The following PRIM2 variants were observed in gnomAD, a reference collection of about 807,000 sequenced individuals.
PRIM2 encodes the protein DNA primase large subunit.
A neutral mutation model predicts 67.3 loss-of-function variants in PRIM2; 39 were observed. That is an observed-to-expected ratio of 0.58 (90% CI 0.45 to 0.76). PRIM2 has a LOEUF of 0.76. PRIM2 is among the 30% of genes least tolerant of loss of function. PRIM2 has a pLI of 0.00. For missense variants in PRIM2, 398 were observed against 598.7 expected, an observed-to-expected ratio of 0.66 and a Z score of 3.50; for synonymous variants, 143 against 198.7, an observed-to-expected ratio of 0.72 and a Z score of 2.36.
chr6:57,556,804 G>T (rs1407475752), intron 10 of PRIM2, among the ~76,000 whole-genome samples: 3 of 152,170 alleles, frequency 2.0e-5, no homozygotes, highest in Non-Finnish European at 4.4e-5. Context: ...AAGAGCTTCT[G>T]CACAGCAAAA....
intron 9 of PRIM2, among the ~76,000 whole-genome samples, chr6:57,536,743 A>G (rs1775010596): frequency 6.6e-6 from 1 of 152,252 alleles, no homozygotes; most frequent in Non-Finnish European, 1.5e-5. Context: ...AATACATATT[A>G]TATGATTCTA....
chr6:57,475,052 G>A (rs2127403346), intron 7 of PRIM2, among the ~76,000 whole-genome samples: 1 of 152,278 alleles, frequency 6.6e-6, no homozygotes, highest in African/African-American at 2.4e-5. Context: ...AGGAATGCAG[G>A]CATGCTTTGA....
In PRIM2 at chr6:57,330,525, T is replaced by G. The variant is rs528625272; in HGVS notation, c.459+4480T>G. Among the ~76,000 whole-genome samples, 3 of 152,116 alleles carry G rather than the reference T, an allele frequency of 2.0e-5. No homozygotes were observed. In the South Asian group the frequency reaches 6.2e-4, roughly 32 times the overall value. Reference sequence around the variant, plus strand: ...AATTTTTTGTATTGAACTTGTTTTTTAATTCTAACAGTTTTATAGTGGATT... The same window carrying G: ...AATTTTTTGTATTGAACTTGTTTTTGAATTCTAACAGTTTTATAGTGGATT... On this transcript the variant is annotated intron_variant, in intron 5 of 13. Coordinates refer to ENST00000615550, the MANE Select transcript of PRIM2 (RefSeq NM_000947.5).
chr6:57,395,138 T>A (rs1044646683), intron 7 of PRIM2, among the ~76,000 whole-genome samples: 1 of 152,070 alleles, frequency 6.6e-6, no homozygotes, highest in Non-Finnish European at 1.5e-5. Context: ...TTGGTTATGT[T>A]GTTTCCTGGT....
chr6:57,633,392 G>T (rs2127499742), intron 13 of PRIM2, among the ~76,000 whole-genome samples: 1 of 152,226 alleles, frequency 6.6e-6, no homozygotes, highest in South Asian at 2.1e-4. Flanking sequence ...AGTTGCATTT[G>T]TTGAAATCAT....
chr6:57,503,722 C>G (rs1248418774), intron 7 of PRIM2, among the ~76,000 whole-genome samples: 1 of 151,716 alleles, frequency 6.6e-6, no homozygotes, highest in Non-Finnish European at 1.5e-5. Context: ...CACCACTGCA[C>G]TCCAGCCTGG....
At chr6:57,375,750 C>A (rs7746705) in intron 5 of PRIM2, among the ~76,000 whole-genome samples, 2 of 150,390 alleles carry the variant, frequency 1.3e-5, no homozygotes, top group African/African-American at 4.9e-5. Context: ...CTACTAGGTA[C>A]TCACCATCAC....
chr6:57,423,640 A>G (rs893044508), intron 7 of PRIM2, among the ~76,000 whole-genome samples: 1 of 152,184 alleles, frequency 6.6e-6, no homozygotes, highest in Non-Finnish European at 1.5e-5. Context: ...TCATTGTTAA[A>G]TCCCCTTGAG....
chr6:57,396,012 G>A (rs1770504135), intron 7 of PRIM2, among the ~76,000 whole-genome samples: 1 of 152,230 alleles, frequency 6.6e-6, no homozygotes, highest in Non-Finnish European at 1.5e-5. Context: ...ATTGTGGTCT[G>A]AGAAAGTGCT....
chr6:57,540,003 A>C (rs1232412373), intron 10 of PRIM2, among the ~76,000 whole-genome samples: 2 of 152,074 alleles, frequency 1.3e-5, no homozygotes, highest in Non-Finnish European at 2.9e-5. Context: ...CAAGAAAAAA[A>C]AAAAAAGGAA....
At chr6:57,566,144 G>T (rs1246887765) in intron 10 of PRIM2, among the ~76,000 whole-genome samples, 6 of 143,134 alleles carry the variant, frequency 4.2e-5, no homozygotes, top group Non-Finnish European at 6.1e-5. Context: ...TTTTTTTGTG[G>T]TGTCATTTAA....
chr6:57,429,650 C>T (rs2127378131), intron 7 of PRIM2, among the ~76,000 whole-genome samples: 1 of 152,224 alleles, frequency 6.6e-6, no homozygotes, highest in African/African-American at 2.4e-5. Flanking sequence ...TAAAATGAGG[C>T]TTTTAGGGTG....
chr6:57,628,516 G>T (rs1376444182), intron 12 of PRIM2, among the ~76,000 whole-genome samples: 5 of 151,732 alleles, frequency 3.3e-5, no homozygotes, highest in African/African-American at 4.8e-5. Flanking sequence ...TTAGATTCAG[G>T]GGGGCACATG....
chr6:57,339,220 G>A (rs1768381793), intron 5 of PRIM2, among the ~76,000 whole-genome samples: 1 of 152,124 alleles, frequency 6.6e-6, no homozygotes, highest in South Asian at 2.1e-4. Flanking sequence ...ACAAAGAAAT[G>A]GAAGAACATT....
upstream of PRIM2, among the ~76,000 whole-genome samples, chr6:57,317,031 G>A (rs745427516): frequency 2.0e-5 from 3 of 152,210 alleles, no homozygotes; most frequent in Non-Finnish European, 2.9e-5. Flanking sequence ...GGGGCTTGCC[G>A]CCCAATACGA....
chr6:57,622,537 A>T (rs1776878385), intron 12 of PRIM2, among the ~76,000 whole-genome samples: 3 of 152,198 alleles, frequency 2.0e-5, no homozygotes, highest in African/African-American at 4.8e-5. Context: ...CAAGATTTTG[A>T]TTGAAATGAT....
intron 7 of PRIM2, among the ~76,000 whole-genome samples, chr6:57,438,648 A>G (rs73749698): frequency 6.6e-6 from 1 of 152,232 alleles, no homozygotes. Flanking sequence ...TATGGAGTCT[A>G]TTTAAAGACA....
rs1462226005 is a variant in PRIM2 at position 57,460,815 on chromosome 6, A to G, written c.694-46572A>G. Reference sequence around the variant, plus strand: ...CTGCTAACCAAGTTTTATTGGGGTAAGATCAATTTTATGAAGCCTGATGAC... The same window carrying G: ...CTGCTAACCAAGTTTTATTGGGGTAGGATCAATTTTATGAAGCCTGATGAC... On this transcript the variant is annotated intron_variant, in intron 7 of 13. Coordinates refer to ENST00000615550, the MANE Select transcript of PRIM2 (RefSeq NM_000947.5). Among the ~76,000 whole-genome samples the G allele has an allele frequency of 4.3e-3, 661 of 152,354 alleles. 4 individuals carry two copies. The highest frequency in any genetic ancestry group is 0.015 in the African/African-American group (636 of 41,584).
chr6:57,606,711 C>T (rs1157474037), intron 12 of PRIM2, among the ~76,000 whole-genome samples: 1 of 152,194 alleles, frequency 6.6e-6, no homozygotes, highest in Non-Finnish European at 1.5e-5. Flanking sequence ...TTCCCCCACA[C>T]CTCAGTTTGT....
Sources: allele counts gnomAD v4.1 joint callset (sites outside exome capture counted in the v4.1 genomes callset), GRCh38; gene constraint gnomAD v4.1.1; transcripts MANE v1.5; gene names NCBI Gene and HGNC (gene_info 2026-07-23, HGNC 2026-07-21).